Variants in ABCC4 observed in about 807,000 individuals in gnomAD.
ABCC4 encodes ATP-binding cassette sub-family C member 4.
ABCC4 carries 102 observed loss-of-function variants against 168.5 expected under a neutral mutation model. The observed-to-expected ratio is 0.61, with a 90% confidence interval of 0.52 to 0.71. The LOEUF (loss-of-function observed/expected upper bound fraction) is 0.71, where lower values mean the gene tolerates loss of function less well. Ranked by LOEUF, ABCC4 falls within the 30% of genes least tolerant of loss-of-function variation. The probability of loss-of-function intolerance (pLI) is 0.00; values close to 1 mark genes in which losing one functional copy is unlikely to be tolerated. For synonymous variants in ABCC4, 617 were observed against 590.7 expected (o/e 1.04, Z -0.65); for missense variants, 1,402 against 1,605.8 (o/e 0.87, Z 2.17).
chr13:95,051,483 C>T (rs1252514597), intron 27 of ABCC4, among the ~76,000 whole-genome samples: 4 of 152,074 alleles, frequency 2.6e-5, no homozygotes, highest in Non-Finnish European at 1.5e-5. Context: ...ATCCTCCCAC[C>T]TCAACTCCCT....
At chr13:95,083,513 G>GT (rs1335066181) in intron 20 of ABCC4, among the ~76,000 whole-genome samples, 8 of 149,068 alleles carry the variant, frequency 5.4e-5, no homozygotes, top group Admixed American at 6.7e-5. Context: ...TATCCATTAG[G>GT]TTTTTTTTTC....
chr13:95,036,345 T>C (rs1309126181), intron 29 of ABCC4, among the ~76,000 whole-genome samples: 1 of 152,176 alleles, frequency 6.6e-6, no homozygotes, highest in African/African-American at 2.4e-5. Flanking sequence ...TAATGTTTAA[T>C]GGAAAGGAAG....
At chr13:95,243,024 C>T (rs895242433) in intron 3 of ABCC4, among the ~76,000 whole-genome samples, 2 of 152,162 alleles carry the variant, frequency 1.3e-5, no homozygotes, top group Admixed American at 6.5e-5. Flanking sequence ...TCACCATGAT[C>T]CTCTAAAGAA....
intron 19 of ABCC4, among the ~76,000 whole-genome samples, 189 bp downstream of exon 19, chr13:95,161,000 T>TC (rs1482985524): frequency 1.1e-4 from 6 of 54,890 alleles, no homozygotes; most frequent in East Asian, 5.0e-4. Flanking sequence ...TGCCCCCCCC[T>TC]CCCCCCGCAT....
intron 21 of ABCC4, among the ~76,000 whole-genome samples, chr13:95,079,696 G>A (rs1309833545): frequency 5.9e-5 from 9 of 152,170 alleles, no homozygotes; most frequent in Admixed American, 2.0e-4. Flanking sequence ...TTAGCCAGGT[G>A]TGGTGGCGGG....
rs2031029318 is a variant in ABCC4, at chr13:95,020,510, A to G, written c.*1065T>C. The G allele has an allele frequency of 6.6e-6, 1 of 152,486 alleles. No homozygotes were observed. The highest frequency in any genetic ancestry group is 6.5e-5 in the Admixed American group (1 of 15,292). The allele number at this position is 152,486 out of a possible 1,614,324, so 9.4% of individuals were successfully genotyped here. ...AACAGAAAGCCCAAATGACAATGCT[A>G]TTAGTGGTCAGGAGTAAACTAACCT... On this transcript the variant is annotated 3_prime_UTR_variant, in exon 31 of 31. Transcript: ENST00000645237.
At chr13:95,186,629 A>G in intron 11 of ABCC4, 72 bp downstream of exon 11, 2 of 1,420,560 alleles carry the variant, frequency 1.4e-6, no homozygotes, top group Non-Finnish European at 1.9e-6. Flanking sequence ...AAAGTTAATA[A>G]ACCTTGTTGT....
chr13:95,109,249 CT>C (rs1348851870), intron 20 of ABCC4, among the ~76,000 whole-genome samples: 1 of 152,192 alleles, frequency 6.6e-6, no homozygotes, highest in Non-Finnish European at 1.5e-5. Context: ...ATGATCCCTT[CT>C]TTTTACAGGA....
chr13:95,061,741 A>G (rs1335201815), intron 26 of ABCC4, among the ~76,000 whole-genome samples: 1 of 151,566 alleles, frequency 6.6e-6, no homozygotes. Context: ...GAATATGTGG[A>G]GGTGTTAAAG....
intron 25 of ABCC4, among the ~76,000 whole-genome samples, chr13:95,064,254 GTGTGTGTA>G (rs1402276280): frequency 3.2e-3 from 76 of 23,666 alleles, no homozygotes; most frequent in African/African-American, 0.013. Context: ...GGGTGTGTGT[GTGTGTGTA>G]TATATATATA....
At chr13:95,292,980 A>C (rs997525268) in intron 1 of ABCC4, among the ~76,000 whole-genome samples, 11 of 152,130 alleles carry the variant, frequency 7.2e-5, no homozygotes, top group Admixed American at 4.6e-4. Context: ...GGGTGTAACA[A>C]ACGCTACCGG....
chr13:95,065,625 T>G (rs535126304), intron 25 of ABCC4, among the ~76,000 whole-genome samples: 1 of 152,158 alleles, frequency 6.6e-6, no homozygotes, highest in Non-Finnish European at 1.5e-5. Context: ...ATGTTAAATA[T>G]CCTTGAAGCT....
chr13:95,258,299 C>T (rs1350733297), intron 1 of ABCC4, among the ~76,000 whole-genome samples: 1 of 152,116 alleles, frequency 6.6e-6, no homozygotes, highest in Non-Finnish European at 1.5e-5. Context: ...TTGACTGGGT[C>T]CCCTTCGTTC....
chr13:95,201,824 T>G (rs2038635900), intron 8 of ABCC4, among the ~76,000 whole-genome samples: 1 of 152,078 alleles, frequency 6.6e-6, no homozygotes, highest in Non-Finnish European at 1.5e-5. Context: ...AATACAAAAA[T>G]TAGCTGGACA....
chr13:95,043,694 G>A lies in ABCC4; in HGVS notation c.3723C>T (p.Ser1241=), dbSNP rs11568640. The A allele has an allele frequency of 6.8e-6, 11 of 1,611,056 alleles. No individual in the cohort carries two copies. Among genetic ancestry groups the A allele is most frequent in the Admixed American group, 5.0e-5 (3 of 59,870 alleles). The change falls in exon 29 of 31, where the codon AGC becomes AGT. Residue 1241 remains serine, a synonymous_variant. Coordinates refer to ENST00000645237, the MANE Select transcript of ABCC4 (RefSeq NM_005845.5). Reference sequence around the variant, plus strand: ...GTGAAGGACTCACCATTATCTTGTCGCTGTCAATAATGGTGTTCAATCTGT... The same window carrying A: ...GTGAAGGACTCACCATTATCTTGTCACTGTCAATAATGGTGTTCAATCTGT... ...IAHRLNTIID[S]DKIMVLDSGR...
intron 19 of ABCC4, among the ~76,000 whole-genome samples, chr13:95,128,109 C>T (rs956855476): frequency 7.9e-5 from 12 of 152,214 alleles, no homozygotes; most frequent in African/African-American, 2.7e-4. Context: ...GAGGGCTGAG[C>T]TGACCTCTCC....
chr13:95,159,112 T>TATATATATATAA (rs1566475344), intron 19 of ABCC4, among the ~76,000 whole-genome samples: 1 of 128,106 alleles, frequency 7.8e-6, no homozygotes, highest in African/African-American at 2.7e-5. Context: ...TATATATATA[T>TATATATATATAA]ATATATATAT....
intron 26 of ABCC4, among the ~76,000 whole-genome samples, chr13:95,060,221 TAGC>T (rs1342016392): frequency 6.6e-6 from 1 of 152,232 alleles, no homozygotes; most frequent in Non-Finnish European, 1.5e-5. Context: ...ATACAAAGCT[TAGC>T]AGTGTTTTGT....
At chr13:95,072,455 C>T (rs938377941) in intron 24 of ABCC4, among the ~76,000 whole-genome samples, 2 of 152,114 alleles carry the variant, frequency 1.3e-5, no homozygotes, top group African/African-American at 2.4e-5. Flanking sequence ...GAGCAAAACT[C>T]TGTCCCCTCA....
Sources: gnomAD v4.1 joint callset for allele counts (sites outside exome capture counted in the v4.1 genomes callset) on GRCh38, gnomAD v4.1.1 for gene constraint, MANE v1.5 for transcripts, NCBI Gene and HGNC (gene_info 2026-07-23, HGNC 2026-07-21) for gene names.